APP: variants seen among roughly 807,000 people sequenced by gnomAD.
APP encodes the protein amyloid beta precursor protein, also known as amyloid-beta precursor protein.
Under a neutral mutation model 101.4 loss-of-function variants are expected in APP, and 31 were observed. That is an observed-to-expected ratio of 0.31 (90% CI 0.23 to 0.41). The LOEUF (loss-of-function observed/expected upper bound fraction) is 0.41. APP is among the 10% of genes least tolerant of loss of function. APP has a pLI of 1.00. For synonymous variants in APP, 366 were observed against 364.4 expected (o/e 1.00, Z -0.05); for missense variants, 839 against 1,003.7 (o/e 0.84, Z 2.22).
chr21:25,945,262 A>G (rs2040757127), intron 13 of APP, among the ~76,000 whole-genome samples: 1 of 152,176 alleles, frequency 6.6e-6, no homozygotes, highest in South Asian at 2.1e-4. Flanking sequence ...ATGGGGCTCA[A>G]GGTGGAATCA....
intron 4 of APP, 113 bp downstream of exon 4, chr21:26,053,123 T>C: frequency 1.1e-6 from 1 of 870,072 alleles, no homozygotes; most frequent in Non-Finnish European, 2.0e-6. Context: ...CTGGGTTTTT[T>C]TCTTAAATAA....
intron 4 of APP, among the ~76,000 whole-genome samples, chr21:26,052,289 C>G (rs934317793): frequency 2.0e-5 from 3 of 152,118 alleles, no homozygotes; most frequent in African/African-American, 7.3e-5. Flanking sequence ...AGCAGAATCT[C>G]TGGCCTCTGG....
rs1377420734 is a variant in APP, at chr21:25,893,344, G to C, written c.2065-1476C>G. On this transcript the variant is annotated intron_variant, in intron 16 of 17. Transcript: ENST00000346798. The stretch of plus-strand genomic sequence containing the variant: ...CTTAAGTATTCAAGTGAAAGGAAGA[G>C]TCACAGGTCTCTCACTTTAAAGCAA... Among the ~76,000 whole-genome samples, 3 of 152,302 alleles carry C rather than the reference G, an allele frequency of 2.0e-5. No homozygotes were observed. In the East Asian group the frequency reaches 5.8e-4, roughly 29 times the overall value.
At chr21:25,899,769 C>T (rs2038318140) in intron 15 of APP, among the ~76,000 whole-genome samples, 1 of 152,222 alleles carries the variant, frequency 6.6e-6, no homozygotes, top group Non-Finnish European at 1.5e-5. Flanking sequence ...TTGTTTTAAG[C>T]TGCTAAATTC....
chr21:25,885,127 G>A (rs1054365819), intron 17 of APP, among the ~76,000 whole-genome samples: 6 of 152,212 alleles, frequency 3.9e-5, no homozygotes, highest in Admixed American at 3.9e-4. Flanking sequence ...ACAGAAGAAG[G>A]GATTATCTTG....
chr21:25,881,298 T>C lies in APP; in HGVS notation c.*372A>G, dbSNP rs187940037. ...ATCCCCCATCGATTCTTAAAGCATA[T>C]GTAAAGTAGGACTTAATTGGGTCAC... On this transcript the variant is annotated 3_prime_UTR_variant, in exon 18 of 18. Coordinates refer to ENST00000346798, the MANE Select transcript of APP (RefSeq NM_000484.4). 715 of 301,724 alleles carry C rather than the reference T, an allele frequency of 2.4e-3. No individual in the cohort carries two copies. Among genetic ancestry groups the C allele is most frequent in the Non-Finnish European group, 3.6e-3 (565 of 156,882 alleles). The allele number at this position is 301,724 out of a possible 1,614,324, so 18.7% of individuals were successfully genotyped here. A position where few individuals can be genotyped will look rare whatever the true frequency, so the allele number is the denominator to read the frequency against.
chr21:26,148,100 G>A (rs2063189990), intron 1 of APP, among the ~76,000 whole-genome samples: 1 of 152,176 alleles, frequency 6.6e-6, no homozygotes, highest in African/African-American at 2.4e-5. Flanking sequence ...TCTCCCTGAG[G>A]CATGAGCATT....
chr21:25,898,321 C>T lies in APP; in HGVS notation c.1964-648G>A, dbSNP rs562986273. 1.4e-4 allele frequency among the ~76,000 whole-genome samples: 21 copies of T among 152,312 alleles called. No homozygotes were observed. The South Asian group carries it at 3.3e-3, about 24-fold the overall frequency. ...ACTAACAGAATTTATAACCTACGAA[C>T]TCTTCCTTTTCTATAAATTGCTATA... On this transcript the variant is annotated intron_variant, in intron 15 of 17. Coordinates refer to ENST00000346798, the MANE Select transcript of APP (RefSeq NM_000484.4).
intron 16 of APP, among the ~76,000 whole-genome samples, chr21:25,896,747 T>G (rs143058299): frequency 1.1e-3 from 160 of 152,308 alleles, no homozygotes; most frequent in African/African-American, 3.4e-3. Flanking sequence ...AGCTGCTGTC[T>G]TCTTTGCACA....
intron 11 of APP, 140 bp from the exon 12 acceptor site, chr21:25,955,895 A>G: frequency 8.1e-7 from 1 of 1,227,564 alleles, no homozygotes; most frequent in Non-Finnish European, 1.2e-6. Context: ...TCTGCCTTCT[A>G]AACATTTCTC....
chr21:26,091,147 T>C (rs1347657635), intron 2 of APP, among the ~76,000 whole-genome samples: 2 of 152,156 alleles, frequency 1.3e-5, no homozygotes, highest in Non-Finnish European at 2.9e-5. Flanking sequence ...GCCAGATAAA[T>C]AACAACGAAT....
chr21:25,887,750 C>G (rs2037430283), intron 17 of APP, among the ~76,000 whole-genome samples: 1 of 152,116 alleles, frequency 6.6e-6, no homozygotes, highest in African/African-American at 2.4e-5. Flanking sequence ...TTCAGTGCAG[C>G]AATATGCTGC....
rs376531443 is a variant in APP at position 26,028,979 on chromosome 21, A to C, written c.663-6937T>G. Among the ~76,000 whole-genome samples the C allele has an allele frequency of 2.0e-5, 3 of 152,290 alleles. No individual in the cohort carries two copies. In the South Asian group the frequency reaches 6.2e-4, roughly 32 times the overall value. Reference sequence around the variant, plus strand: ...CCCCACGGAAGAGCCATGTGAACTAAAAATGCTGAAGTCGGGCACGGCAAA... The same window carrying C: ...CCCCACGGAAGAGCCATGTGAACTACAAATGCTGAAGTCGGGCACGGCAAA... On this transcript the variant is annotated intron_variant, in intron 5 of 17. Transcript: ENST00000346798.
chr21:25,930,967 G>T (rs1436785820), intron 13 of APP, among the ~76,000 whole-genome samples: 1 of 152,198 alleles, frequency 6.6e-6, no homozygotes, highest in African/African-American at 2.4e-5. Context: ...AGGAGTGAGA[G>T]AAGCTGAAAA....
chr21:26,078,095 ATTCTT>A, intron 3 of APP, among the ~76,000 whole-genome samples: 1 of 152,366 alleles, frequency 6.6e-6, no homozygotes, highest in Admixed American at 6.5e-5. Context: ...AAAAAAGCAT[ATTCTT>A]TTCCTCAGTG....
intron 1 of APP, among the ~76,000 whole-genome samples, chr21:26,137,447 T>A (rs2062945762): frequency 6.6e-6 from 1 of 152,218 alleles, no homozygotes; most frequent in Admixed American, 6.5e-5. Flanking sequence ...GTTACAGGTG[T>A]GTTATAATTT....
chr21:25,922,975 A>G (rs1291295939), intron 13 of APP, among the ~76,000 whole-genome samples: 1 of 147,224 alleles, frequency 6.8e-6, no homozygotes, highest in Non-Finnish European at 1.5e-5. Context: ...CCTGACTTCA[A>G]ACTATACTAC....
intron 11 of APP, among the ~76,000 whole-genome samples, chr21:25,962,594 GT>G (rs1358010755): frequency 3.3e-5 from 5 of 152,146 alleles, no homozygotes; most frequent in Non-Finnish European, 7.3e-5. Context: ...CCTACTTGAT[GT>G]ATCTATATAG....
At chr21:25,931,956 C>A (rs1422537778) in intron 13 of APP, among the ~76,000 whole-genome samples, 1 of 152,186 alleles carries the variant, frequency 6.6e-6, no homozygotes, top group Non-Finnish European at 1.5e-5. Flanking sequence ...AAAAAAACAT[C>A]CACATTAGAT....
Sources: allele counts gnomAD v4.1 joint callset (sites outside exome capture counted in the v4.1 genomes callset), GRCh38; gene constraint gnomAD v4.1.1; transcripts MANE v1.5; gene names NCBI Gene and HGNC (gene_info 2026-07-23, HGNC 2026-07-21).